Variants in CELF4 observed in about 807,000 individuals in gnomAD.
CELF4 encodes CUG-BP- and ETR-3-like factor 4.
In CELF4, 18 loss-of-function variants were observed where a neutral mutation model predicts 59.9. The ratio of observed to expected loss-of-function variants is 0.30; its 90% CI spans 0.21 to 0.45. The LOEUF is 0.45. Among genes scored for constraint, CELF4 ranks in the 20% least tolerant of loss-of-function variants. The pLI is 1.00. For synonymous variants in CELF4, 261 were observed against 267.1 expected (o/e 0.98, Z 0.22); for missense variants, 456 against 689.0 (o/e 0.66, Z 3.79).
At chr18:37,262,091 C>G (rs376838056) in intron 10 of CELF4, among the ~76,000 whole-genome samples, 12 of 152,302 alleles carry the variant, frequency 7.9e-5, no homozygotes, top group African/African-American at 2.9e-4. Flanking sequence ...TCCCGCTGTT[C>G]CCCCTGCCTG....
chr18:37,533,887 A>ATTTC, intron 1 of CELF4, among the ~76,000 whole-genome samples: 1 of 152,144 alleles, frequency 6.6e-6, no homozygotes, highest in Non-Finnish European at 1.5e-5. Flanking sequence ...ACGTCAGGGG[A>ATTTC]AAGCAGTGGG....
chr18:37,465,854 G>A (rs1203405442), intron 2 of CELF4, among the ~76,000 whole-genome samples: 1 of 152,158 alleles, frequency 6.6e-6, no homozygotes, highest in Middle Eastern at 3.2e-3. Flanking sequence ...GATGCATTCA[G>A]ATGAGAGCCA....
intron 2 of CELF4, among the ~76,000 whole-genome samples, chr18:37,325,936 A>G (rs1369421525): frequency 6.6e-6 from 1 of 152,194 alleles, no homozygotes; most frequent in Non-Finnish European, 1.5e-5. Flanking sequence ...CTTAATTCTC[A>G]GCAGAAATAA....
At chr18:37,520,060 C>T (rs1289835460) in intron 1 of CELF4, among the ~76,000 whole-genome samples, 1 of 152,172 alleles carries the variant, frequency 6.6e-6, no homozygotes, top group Non-Finnish European at 1.5e-5. Flanking sequence ...TGAGAGCTTG[C>T]ATTACCCAAG....
At position 37,380,205 on chromosome 18, in the gene CELF4, A is replaced by G. The variant is rs1379811893; in HGVS notation, c.370-58324T>C. Among the ~76,000 whole-genome samples the G allele has an allele frequency of 2.6e-5, 4 of 152,090 alleles. 1 individual carries two copies. Among genetic ancestry groups the G allele is most frequent in the Admixed American group, 2.6e-4 (4 of 15,274 alleles). On this transcript the variant is annotated intron_variant, in intron 2 of 12. Coordinates refer to ENST00000420428, the MANE Select transcript of CELF4 (RefSeq NM_020180.4). ...TCACCTGCTCTCACCTCCCTCTTGG[A>G]CCAGCTGCCATCCCTCCCACTTCTT...
intron 1 of CELF4, 173 bp from the exon 2 acceptor site, chr18:37,485,780 C>A (rs1275578757): frequency 9.7e-5 from 38 of 390,518 alleles, no homozygotes; most frequent in East Asian, 8.8e-4. Flanking sequence ...TCGGTGTTCC[C>A]GGCTGTCTGC....
intron 2 of CELF4, among the ~76,000 whole-genome samples, chr18:37,470,877 T>TGAGA (rs1569569550): frequency 1.0e-5 from 1 of 96,996 alleles, no homozygotes; most frequent in Non-Finnish European, 2.1e-5. Context: ...TGTGTGTGTG[T>TGAGA]GTGTGTGTGT....
chr18:37,519,038 T>C (rs910272704), intron 1 of CELF4, among the ~76,000 whole-genome samples: 1 of 152,150 alleles, frequency 6.6e-6, no homozygotes, highest in Non-Finnish European at 1.5e-5. Context: ...TGAGTTTGAA[T>C]TGAACCAAGT....
At chr18:37,485,725 C>A (rs1297872848) in intron 1 of CELF4, 118 bp from the exon 2 acceptor site, 2 of 479,694 alleles carry the variant, frequency 4.2e-6, no homozygotes, top group Non-Finnish European at 6.8e-6. Context: ...CCTGTCCCCA[C>A]CTCTCTTTCT....
chr18:37,298,757 C>T (rs541032125), intron 3 of CELF4, among the ~76,000 whole-genome samples: 1 of 150,548 alleles, frequency 6.6e-6, no homozygotes, highest in South Asian at 2.1e-4. Context: ...GTCTTAACAA[C>T]AGTCTACAAG....
intron 2 of CELF4, among the ~76,000 whole-genome samples, chr18:37,437,435 T>C (rs887025187): frequency 1.3e-5 from 2 of 152,092 alleles, no homozygotes; most frequent in African/African-American, 4.8e-5. Flanking sequence ...GGGATATAGA[T>C]ATCTTCACCA....
intron 1 of CELF4, among the ~76,000 whole-genome samples, chr18:37,512,888 G>T (rs541763494): frequency 6.6e-6 from 1 of 151,244 alleles, no homozygotes; most frequent in South Asian, 2.1e-4. Flanking sequence ...CTCTGCCCTT[G>T]TCTTTGTAAA....
intron 1 of CELF4, among the ~76,000 whole-genome samples, chr18:37,515,763 T>G (rs951151081): frequency 6.6e-6 from 1 of 151,744 alleles, no homozygotes; most frequent in Non-Finnish European, 1.5e-5. Flanking sequence ...TTCTTTTATT[T>G]CTCCACCAAG....
intron 11 of CELF4, among the ~76,000 whole-genome samples, chr18:37,255,457 C>T (rs562250599): frequency 6.6e-6 from 1 of 151,588 alleles, no homozygotes; most frequent in South Asian, 2.1e-4. Context: ...CAGAGCTGGG[C>T]CCAGAGCAAC....
intron 1 of CELF4, among the ~76,000 whole-genome samples, chr18:37,514,829 G>C (rs1569569718): frequency 6.6e-6 from 1 of 151,752 alleles, no homozygotes; most frequent in Non-Finnish European, 1.5e-5. Context: ...ATCATTTACT[G>C]TGGGCTTTTC....
At chr18:37,514,917 T>C (rs192959959) in intron 1 of CELF4, among the ~76,000 whole-genome samples, 21 of 152,272 alleles carry the variant, frequency 1.4e-4, no homozygotes, top group African/African-American at 4.8e-4. Context: ...ACAGCCCTAA[T>C]TATAAAGGAA....
chr18:37,549,947 A>T (rs1046058306), intron 1 of CELF4, among the ~76,000 whole-genome samples: 1 of 152,198 alleles, frequency 6.6e-6, no homozygotes, highest in African/African-American at 2.4e-5. Flanking sequence ...AATCAAAATC[A>T]GTCGACATTA....
intron 10 of CELF4, among the ~76,000 whole-genome samples, chr18:37,262,681 T>C (rs989309933): frequency 6.6e-6 from 1 of 152,088 alleles, no homozygotes; most frequent in African/African-American, 2.4e-5. Flanking sequence ...GGAGAAAAGA[T>C]ATCAGGGCCT....
In CELF4 at chr18:37,274,446, C is replaced by T. The variant is rs778279875; in HGVS notation, c.666G>A (p.Ser222=). The T allele has an allele frequency of 1.2e-6, 2 of 1,612,902 alleles. No individual in the cohort carries two copies. The change falls in exon 6 of 13, where the codon TCG becomes TCA. Residue 222 remains serine (S), a synonymous_variant. Coordinates refer to ENST00000420428, the MANE Select transcript of CELF4 (RefSeq NM_020180.4). ...CGGCGAACTTGACCACCAGACTGGA[C>T]GAGGCTCCCTGCGGCCGGGGCGGCG... is the stretch of plus-strand genomic sequence containing the variant. ...LHGSQTMPGA[S]SSLVVKFADT... is the part of the protein sequence containing the mutation.
Sources: gnomAD v4.1 joint callset for allele counts (sites outside exome capture counted in the v4.1 genomes callset) on GRCh38, gnomAD v4.1.1 for gene constraint, MANE v1.5 for transcripts, NCBI Gene and HGNC (gene_info 2026-07-23, HGNC 2026-07-21) for gene names.